The following PARP15 variants were observed in gnomAD, a reference collection of about 807,000 sequenced individuals.
PARP15 encodes poly(ADP-ribose) polymerase family member 15, also known as protein mono-ADP-ribosyltransferase PARP15.
Under a neutral mutation model 62.1 loss-of-function variants are expected in PARP15, and 50 were observed. That is an observed-to-expected ratio of 0.81 (90% CI 0.64 to 1.02). PARP15 has a LOEUF of 1.02. PARP15 is among the 50% of genes least tolerant of loss of function. PARP15 has a pLI of 0.00. For missense variants in PARP15, 820 were observed against 826.5 expected (o/e 0.99, Z 0.10); for synonymous variants, 309 against 293.1 (o/e 1.05, Z -0.55).
At chr3:122,594,754 C>G in intron 1 of PARP15, 1 of 979,104 alleles carries the variant, frequency 1.0e-6, no homozygotes, top group Middle Eastern at 5.3e-4. Flanking sequence ...TAGATGTCAA[C>G]ACATTTATTA....
chr3:122,636,322 CAG>C lies in PARP15; in HGVS notation c.*225_*226del. 1 of 537,114 alleles carries C rather than the reference CAG, an allele frequency of 1.9e-6. No homozygotes were observed. Among genetic ancestry groups the C allele is most frequent in the Non-Finnish European group, 3.3e-6 (1 of 301,112 alleles). 33.3% of individuals were successfully genotyped at this position (537,114 alleles called of 1,614,324 possible). On this transcript the variant is annotated 3_prime_UTR_variant, in exon 12 of 12. Transcript: ENST00000464300. ...GCTGAGAAATGTATGGTAAATGTCA[CAG>C]AGCTACAACCATTCACAGACACCAA...
intron 1 of PARP15, chr3:122,594,691 T>C: frequency 2.2e-6 from 2 of 929,640 alleles, no homozygotes; most frequent in Non-Finnish European, 2.6e-6. Context: ...TAAAAATCTA[T>C]TTTCTTCTAA....
At chr3:122,616,308 G>T (rs1178729813) in intron 5 of PARP15, among the ~76,000 whole-genome samples, 1 of 151,138 alleles carries the variant, frequency 6.6e-6, no homozygotes, top group Non-Finnish European at 1.5e-5. Flanking sequence ...CAGGTTAAAG[G>T]TAACTTCCTC....
In PARP15 at chr3:122,635,145, G is replaced by A; in HGVS notation, c.1698G>A (p.Val566=). 6.2e-7 allele frequency: 1 copy of A among 1,614,004 alleles called. No individual in the cohort carries two copies. ...LLFHGTDADS[V]PYVNQHGFNR... is the part of the protein sequence containing the mutation. ...TCCATGGGACAGATGCAGACTCAGT[G>A]CCATATGTCAATCAGCACGGCTTTA... Residue 566 remains valine, a synonymous_variant, in exon 11 of 12, where the codon GTG becomes GTA. Transcript: ENST00000464300.
chr3:122,610,436 GT>G (rs1935477963), intron 2 of PARP15, 57 bp from the exon 3 acceptor site: 2 of 1,413,362 alleles, frequency 1.4e-6, no homozygotes, highest in African/African-American at 2.9e-5. Context: ...TAAATTTACA[GT>G]TGCTCCATCA....
intron 10 of PARP15, 71 bp from the exon 11 acceptor site, chr3:122,634,949 A>T: frequency 7.0e-7 from 1 of 1,431,480 alleles, no homozygotes. Context: ...GCTTATTTTA[A>T]ATCCACAACA....
At chr3:122,624,948 A>G (rs1936602414) in intron 8 of PARP15, among the ~76,000 whole-genome samples, 1 of 152,174 alleles carries the variant, frequency 6.6e-6, no homozygotes, top group African/African-American at 2.4e-5. Flanking sequence ...CAACCTAGCA[A>G]CAGAGCTAGG....
chr3:122,610,809 AG>A, intron 3 of PARP15, 79 bp downstream of exon 3: 1 of 1,302,718 alleles, frequency 7.7e-7, no homozygotes, highest in Non-Finnish European at 1.0e-6. Flanking sequence ...TCTGTGCTCA[AG>A]GGAAGCAATT....
At chr3:122,578,230 C>G (rs1330965474) in intron 1 of PARP15, among the ~76,000 whole-genome samples, 2 of 152,000 alleles carry the variant, frequency 1.3e-5, no homozygotes, top group African/African-American at 2.4e-5. Flanking sequence ...TTTTGTGTGG[C>G]AAGACTTACC....
chr3:122,596,795 G>A (rs537521716), intron 1 of PARP15, among the ~76,000 whole-genome samples: 92 of 152,326 alleles, frequency 6.0e-4, no homozygotes, highest in Non-Finnish European at 2.5e-4. Context: ...TCATGAGGAA[G>A]AAGTGGTGAA....
At chr3:122,630,401 C>T (rs1374658205) in intron 9 of PARP15, among the ~76,000 whole-genome samples, 2 of 152,124 alleles carry the variant, frequency 1.3e-5, no homozygotes, top group Non-Finnish European at 2.9e-5. Flanking sequence ...TATACAAATA[C>T]CAGCTGGGCG....
intron 1 of PARP15, among the ~76,000 whole-genome samples, chr3:122,600,550 A>G (rs1166070620): frequency 1.3e-5 from 2 of 152,116 alleles, no homozygotes; most frequent in African/African-American, 4.8e-5. Flanking sequence ...CTGCAAGTTA[A>G]AGATTCTCAT....
chr3:122,586,659 T>G (rs1933453909), intron 1 of PARP15, among the ~76,000 whole-genome samples: 1 of 152,164 alleles, frequency 6.6e-6, no homozygotes, highest in South Asian at 2.1e-4. Context: ...TTTAGAGTAG[T>G]TTTAGGTTCC....
intron 1 of PARP15, among the ~76,000 whole-genome samples, chr3:122,580,325 T>G (rs1251894349): frequency 1.3e-5 from 2 of 152,112 alleles, no homozygotes; most frequent in Non-Finnish European, 2.9e-5. Flanking sequence ...TCATATATTT[T>G]GAAGCTCTGT....
intron 1 of PARP15, among the ~76,000 whole-genome samples, chr3:122,604,443 T>G (rs909232287): frequency 2.0e-5 from 3 of 152,176 alleles, no homozygotes; most frequent in African/African-American, 7.2e-5. Flanking sequence ...ACAGACTGGG[T>G]GCAGTGGCTT....
chr3:122,617,293 AC>A (rs1936042537), intron 6 of PARP15, 129 bp downstream of exon 6: 1 of 987,326 alleles, frequency 1.0e-6, no homozygotes, highest in Admixed American at 2.5e-5. Context: ...ACTCAGGAAG[AC>A]GTGGGTTGAA....
intron 1 of PARP15, among the ~76,000 whole-genome samples, chr3:122,585,201 CACAG>C (rs1247011978): frequency 4.6e-5 from 7 of 152,236 alleles, no homozygotes; most frequent in Admixed American, 3.9e-4. Context: ...AGTCAGCTGA[CACAG>C]ACAGGAGGAA....
At chr3:122,622,762 C>T (rs958001836) in intron 8 of PARP15, among the ~76,000 whole-genome samples, 3 of 152,220 alleles carry the variant, frequency 2.0e-5, no homozygotes, top group African/African-American at 7.2e-5. Context: ...TCTTAGTTGA[C>T]AGTGCTACTG....
chr3:122,635,761 C>G, intron 11 of PARP15, 50 bp from the exon 12 acceptor site: 1 of 1,562,492 alleles, frequency 6.4e-7, no homozygotes, highest in East Asian at 2.2e-5. Flanking sequence ...TGGTTCTACA[C>G]ATTGTGTAAT....
Sources: gnomAD v4.1 joint callset for allele counts (sites outside exome capture counted in the v4.1 genomes callset) on GRCh38, gnomAD v4.1.1 for gene constraint, MANE v1.5 for transcripts, NCBI Gene and HGNC (gene_info 2026-07-23, HGNC 2026-07-21) for gene names.